GAB1: variants seen among roughly 807,000 people sequenced by gnomAD.
GAB1 encodes GRB2-associated-binding protein 1.
In GAB1, 19 loss-of-function variants were observed where a neutral mutation model predicts 66.5. The observed-to-expected ratio is 0.29, with a 90% CI of 0.20 to 0.42. GAB1 has a LOEUF of 0.42. Ranked by LOEUF, GAB1 falls within the 10% of genes least tolerant of loss-of-function variation. GAB1 has a pLI of 1.00. For missense variants in GAB1, 732 were observed against 858.5 expected (o/e 0.85, Z 1.84); for synonymous variants, 294 against 301.4 (o/e 0.98, Z 0.25).
At chr4:143,402,721 T>C (rs975101857) in intron 1 of GAB1, among the ~76,000 whole-genome samples, 1 of 152,192 alleles carries the variant, frequency 6.6e-6, no homozygotes, top group African/African-American at 2.4e-5. Flanking sequence ...TCTAGTTAAA[T>C]ACCAGCAATT....
intron 1 of GAB1, among the ~76,000 whole-genome samples, chr4:143,372,412 A>G (rs1193589230): frequency 6.6e-6 from 1 of 152,222 alleles, no homozygotes; most frequent in East Asian, 1.9e-4. Context: ...TTCAGCTGTG[A>G]ACAAGACAAA....
chr4:143,427,845 A>T (rs1333369471), intron 2 of GAB1, among the ~76,000 whole-genome samples: 1 of 152,192 alleles, frequency 6.6e-6, no homozygotes, highest in Non-Finnish European at 1.5e-5. Context: ...AGAGGGGAGC[A>T]AAGCATCCCA....
intron 6 of GAB1, among the ~76,000 whole-genome samples, chr4:143,458,362 C>T (rs1442111756): frequency 1.3e-5 from 2 of 151,944 alleles, no homozygotes; most frequent in Non-Finnish European, 2.9e-5. Context: ...AGCCTCAATG[C>T]GTATGGTCCT....
At chr4:143,450,752 G>C (rs1031206457) in intron 6 of GAB1, among the ~76,000 whole-genome samples, 1 of 152,022 alleles carries the variant, frequency 6.6e-6, no homozygotes, top group Non-Finnish European at 1.5e-5. Context: ...TTAGCCAGGC[G>C]TGGTGGCGCA....
intron 6 of GAB1, chr4:143,457,616 A>C: frequency 6.1e-6 from 2 of 329,584 alleles, no homozygotes; most frequent in South Asian, 8.8e-5. Context: ...TTTTTTTTTT[A>C]CAGAATCCAT....
At position 143,383,928 on chromosome 4, in the gene GAB1, A is replaced by T. The variant is rs1730769353; in HGVS notation, c.73-31549A>T. 2.0e-5 allele frequency among the ~76,000 whole-genome samples: 3 copies of T among 152,170 alleles called. No individual in the cohort carries two copies. The South Asian group carries it at 6.2e-4, about 32-fold the overall frequency. On this transcript the variant is annotated intron_variant, in intron 1 of 9. Coordinates refer to ENST00000262994, the MANE Select transcript of GAB1 (RefSeq NM_002039.4). ...ATTTCCACAAAAAAGTGAAAAAACT[A>T]CCCGGGCGTGGTAACACTCCCATAG...
intron 1 of GAB1, among the ~76,000 whole-genome samples, chr4:143,363,617 T>C (rs546252125): frequency 1.8e-3 from 273 of 152,262 alleles, no homozygotes; most frequent in Middle Eastern, 3.4e-3. Flanking sequence ...CGGGAAGTTA[T>C]GCTCGCCTCT....
chr4:143,407,360 T>C (rs116282245), intron 1 of GAB1, among the ~76,000 whole-genome samples: 2 of 152,010 alleles, frequency 1.3e-5, no homozygotes, highest in Admixed American at 1.3e-4. Context: ...GTAAATTATA[T>C]GCACTATTAC....
At chr4:143,382,541 C>G (rs1730699346) in intron 1 of GAB1, among the ~76,000 whole-genome samples, 1 of 152,158 alleles carries the variant, frequency 6.6e-6, no homozygotes, top group Non-Finnish European at 1.5e-5. Context: ...CTGAAACTCC[C>G]TACTTTCTCT....
At chr4:143,401,213 T>C (rs1438800885) in intron 1 of GAB1, among the ~76,000 whole-genome samples, 1 of 152,206 alleles carries the variant, frequency 6.6e-6, no homozygotes, top group African/African-American at 2.4e-5. Flanking sequence ...CTAATTTTTT[T>C]TCTGAGACTG....
chr4:143,378,291 A>G (rs1226683333), intron 1 of GAB1, among the ~76,000 whole-genome samples: 2 of 152,232 alleles, frequency 1.3e-5, no homozygotes, highest in African/African-American at 2.4e-5. Context: ...CAGTTTGGGC[A>G]TCTTGGACAA....
At chr4:143,428,973 G>A (rs1372817289) in intron 2 of GAB1, among the ~76,000 whole-genome samples, 1 of 152,062 alleles carries the variant, frequency 6.6e-6, no homozygotes, top group Non-Finnish European at 1.5e-5. Context: ...TTGTGCACAT[G>A]TACCCTAGAA....
At chr4:143,349,312 A>C (rs954167437) in intron 1 of GAB1, 1 of 1,233,362 alleles carries the variant, frequency 8.1e-7, no homozygotes, top group Admixed American at 2.1e-5. Flanking sequence ...AGTCCGCTGC[A>C]TGGAGACTCT....
At chr4:143,367,747 C>CA (rs1185841432) in intron 1 of GAB1, among the ~76,000 whole-genome samples, 6 of 103,324 alleles carry the variant, frequency 5.8e-5, no homozygotes, top group African/African-American at 2.4e-4. Context: ...TTTTTGGAGA[C>CA]AGAGTCTTGC....
rs112467343 is a variant in GAB1, at chr4:143,425,580, C to T, written c.368-7911C>T. On this transcript the variant is annotated intron_variant, in intron 2 of 9. Transcript: ENST00000262994. ...CGTGGGTTTGATGTGGATGCTGGCT[C>T]GGGAAGTTCTGCGCGTGCGTGGCAC... The T allele has an allele frequency of 1.6e-3, 1,185 of 762,946 alleles. 7 individuals are homozygous for T. The African/African-American group carries it at 0.017, about 11-fold the overall frequency. 47.3% of individuals were successfully genotyped at this position (762,946 alleles called of 1,614,324 possible).
intron 1 of GAB1, among the ~76,000 whole-genome samples, chr4:143,373,954 C>G (rs532159635): frequency 3.3e-4 from 49 of 148,158 alleles, no homozygotes; most frequent in African/African-American, 1.2e-3. Context: ...GTGTCCAAAG[C>G]ATTGGTATAT....
chr4:143,393,305 G>C (rs910246917), intron 1 of GAB1, among the ~76,000 whole-genome samples: 2 of 150,810 alleles, frequency 1.3e-5, no homozygotes, highest in African/African-American at 4.9e-5. Flanking sequence ...AAATATTTAT[G>C]ATCTGGCCCT....
At position 143,336,971 on chromosome 4, in the gene GAB1, G is replaced by A. The variant is rs1166634452; in HGVS notation, c.-218G>A. ...ACTGAAAGGAGGCCGGCGCGCCCGC[G>A]GCCCCGGCTCGCGTTCTGTTCAGGT... On this transcript the variant is annotated 5_prime_UTR_variant, in exon 1 of 10. Transcript: ENST00000262994. 1 of 474,986 alleles carries A rather than the reference G, an allele frequency of 2.1e-6. No individual in the cohort carries two copies. Among genetic ancestry groups the A allele is most frequent in the Non-Finnish European group, 3.7e-6 (1 of 268,048 alleles). 29.4% of individuals were successfully genotyped at this position (474,986 alleles called of 1,614,324 possible). A position where few individuals can be genotyped will look rare whatever the true frequency, so the allele number is the denominator to read the frequency against.
chr4:143,433,640 A>G lies in GAB1; in HGVS notation c.517A>G (p.Thr173Ala). Residue 173 changes from threonine (T) to alanine (A), a missense_variant, in exon 3 of 10, where the codon ACT becomes GCT. By Grantham distance (58) the Thr-to-Ala change is moderately conservative. This residue lies in a region of GAB1 where 427 missense variants were observed against 420.6 expected (regional missense o/e 1.02). Coordinates refer to ENST00000262994, the MANE Select transcript of GAB1 (RefSeq NM_002039.4). ...QLINVPPHLE[T>A]LGIQEDPQDY... is the part of the protein sequence containing the mutation. ...AATCAATGTTCCACCACACCTGGAA[A>G]CTCTTGGCATTCAGGAGGATCCTCA... 1 of 1,613,822 alleles carries G rather than the reference A, an allele frequency of 6.2e-7. No homozygotes were observed. Among genetic ancestry groups the G allele is most frequent in the African/African-American group, 1.3e-5 (1 of 74,952 alleles).
Sources: gnomAD v4.1 joint callset for allele counts (sites outside exome capture counted in the v4.1 genomes callset) on GRCh38, gnomAD v4.1.1 for gene constraint, gnomAD v4.1.1 regional missense constraint, MANE v1.5 for transcripts, NCBI Gene and HGNC (gene_info 2026-07-23, HGNC 2026-07-21) for gene names.